Variants in PCNX2 observed in about 807,000 individuals in gnomAD.
PCNX2 encodes pecanex 2.
PCNX2 carries 168 observed loss-of-function variants against 223.8 expected under a neutral mutation model. The observed-to-expected ratio is 0.75, with a 90% CI of 0.66 to 0.85. The LOEUF is 0.85. PCNX2 is among the 40% of genes least tolerant of loss of function. The pLI, the probability that PCNX2 is intolerant of heterozygous loss-of-function variation, is 0.00. For missense variants in PCNX2, 2,507 were observed against 2,675.5 expected, an observed-to-expected ratio of 0.94 and a Z score of 1.39; for synonymous variants, 1,006 against 1,052.6, an observed-to-expected ratio of 0.96 and a Z score of 0.86.
chr1:233,314,613 G>T, the PCNX2 span, among the ~76,000 whole-genome samples: 1 of 152,068 alleles, frequency 6.6e-6, no homozygotes, highest in Non-Finnish European at 1.5e-5. Context: ...AAAGTTTTCA[G>T]TACCAAAGTT....
intron 25 of PCNX2, among the ~76,000 whole-genome samples, chr1:233,030,006 A>G (rs1248890620): frequency 6.6e-6 from 1 of 152,188 alleles, no homozygotes; most frequent in Non-Finnish European, 1.5e-5. Flanking sequence ...AAATCTGGAT[A>G]ATATGTCTTC....
intron 28 of PCNX2, among the ~76,000 whole-genome samples, chr1:233,008,884 C>T (rs1230879818): frequency 1.3e-5 from 2 of 152,182 alleles, no homozygotes; most frequent in Admixed American, 6.5e-5. Context: ...AGGACAGGTC[C>T]ACAAGGAAGC....
In PCNX2 at chr1:232,983,874, A is replaced by G. The variant is rs1047013233; in HGVS notation, c.*430T>C. Reference sequence around the variant, plus strand: ...GGTAACAGTAATGTATAAAGTGCCGATGATGTAACATGCAGTTGTCTTATT... The same window carrying G: ...GGTAACAGTAATGTATAAAGTGCCGGTGATGTAACATGCAGTTGTCTTATT... On this transcript the variant is annotated 3_prime_UTR_variant, in exon 34 of 34. Transcript: ENST00000258229. 1.3e-5 allele frequency: 2 copies of G among 155,008 alleles called. No individual in the cohort carries two copies. The highest frequency in any genetic ancestry group is 4.8e-5 in the African/African-American group (2 of 41,582). 9.6% of individuals were successfully genotyped at this position (155,008 alleles called of 1,614,324 possible).
chr1:233,045,753 G>T (rs1047825012), intron 25 of PCNX2, among the ~76,000 whole-genome samples: 1 of 152,204 alleles, frequency 6.6e-6, no homozygotes, highest in Non-Finnish European at 1.5e-5. Flanking sequence ...CTGGAAGGGA[G>T]GTGTTCATCC....
intron 8 of PCNX2, among the ~76,000 whole-genome samples, chr1:233,241,609 C>T (rs1369007533): frequency 1.3e-5 from 2 of 152,166 alleles, no homozygotes; most frequent in African/African-American, 2.4e-5. Flanking sequence ...TGATCAAAGG[C>T]ACCAAGAACC....
At chr1:233,037,415 C>G (rs2102852925) in intron 25 of PCNX2, among the ~76,000 whole-genome samples, 1 of 152,286 alleles carries the variant, frequency 6.6e-6, no homozygotes, top group East Asian at 1.9e-4. Context: ...CACTGTCACT[C>G]AAACTCCTGG....
chr1:233,290,774 G>T (rs1359498126), intron 1 of PCNX2: 4 of 985,244 alleles, frequency 4.1e-6, no homozygotes, highest in Non-Finnish European at 4.8e-6. Context: ...TTAAAAAGCA[G>T]AACTGGAAAC....
chr1:233,149,638 A>C (rs1298173651), intron 19 of PCNX2, among the ~76,000 whole-genome samples: 4 of 152,168 alleles, frequency 2.6e-5, no homozygotes, highest in Non-Finnish European at 4.4e-5. Flanking sequence ...CTCAGCTATC[A>C]TCAAGTTCTT....
intron 15 of PCNX2, among the ~76,000 whole-genome samples, chr1:233,196,331 A>G (rs1488350586): frequency 6.6e-6 from 1 of 152,114 alleles, no homozygotes; most frequent in Admixed American, 6.5e-5. Context: ...TAGGTAAGAC[A>G]TAAAAAAAAC....
intron 17 of PCNX2, among the ~76,000 whole-genome samples, chr1:233,169,452 C>T (rs982936813): frequency 2.0e-5 from 3 of 151,798 alleles, no homozygotes; most frequent in African/African-American, 7.3e-5. Context: ...CGAGACCATC[C>T]TGGCTAACAC....
At position 233,016,807 on chromosome 1, in the gene PCNX2, T is replaced by C. The variant is rs182813629; in HGVS notation, c.4839+114A>G. ...ACATCTGTCCAAATAGTGCTTTTTT[T>C]CTATCCTCTATGTTAAAAGTCTACC... is the stretch of plus-strand genomic sequence containing the variant. On this transcript the variant is annotated intron_variant, in intron 27 of 33. Coordinates refer to ENST00000258229, the MANE Select transcript of PCNX2 (RefSeq NM_014801.4). 599 of 1,456,692 alleles carry C rather than the reference T, an allele frequency of 4.1e-4. 2 individuals carry two copies. In the African/African-American group the frequency reaches 7.5e-3, roughly 18 times the overall value. 90.2% of individuals were successfully genotyped at this position (1,456,692 alleles called of 1,614,324 possible).
intron 12 of PCNX2, among the ~76,000 whole-genome samples, chr1:233,216,814 A>T (rs1366444928): frequency 6.6e-6 from 1 of 152,220 alleles, no homozygotes; most frequent in Non-Finnish European, 1.5e-5. Context: ...CTAAATGTCC[A>T]TCAACACATG....
intron 15 of PCNX2, among the ~76,000 whole-genome samples, chr1:233,197,831 TAAG>T (rs2102889641): frequency 6.6e-6 from 1 of 152,362 alleles, no homozygotes; most frequent in South Asian, 2.1e-4. Context: ...AAAAGTGAGT[TAAG>T]AAATGTTACG....
At chr1:233,058,075 T>C (rs1043969776) in intron 23 of PCNX2, 3 of 983,782 alleles carry the variant, frequency 3.0e-6, no homozygotes, top group Middle Eastern at 5.2e-4. Flanking sequence ...TCTGCAGCCA[T>C]GGTAACAAGT....
intron 25 of PCNX2, among the ~76,000 whole-genome samples, chr1:233,040,534 A>C (rs1188827681): frequency 6.6e-6 from 1 of 152,182 alleles, no homozygotes; most frequent in African/African-American, 2.4e-5. Flanking sequence ...CCACTTGGTC[A>C]GCACTGGAAA....
intron 25 of PCNX2, among the ~76,000 whole-genome samples, chr1:233,045,168 G>C (rs1367754242): frequency 1.3e-5 from 2 of 152,050 alleles, no homozygotes; most frequent in Admixed American, 1.3e-4. Flanking sequence ...TTTTTCTCCT[G>C]GGTACTCAGC....
chr1:233,012,599 G>A (rs1402380325), intron 28 of PCNX2, among the ~76,000 whole-genome samples: 1 of 152,052 alleles, frequency 6.6e-6, no homozygotes, highest in Non-Finnish European at 1.5e-5. Flanking sequence ...AGTTGACATT[G>A]AGTATGAGAA....
At position 233,258,790 on chromosome 1, in the gene PCNX2, G is replaced by A; in HGVS notation, c.1072C>T (p.Leu358Phe). 6.2e-7 allele frequency: 1 copy of A among 1,613,844 alleles called. No individual in the cohort carries two copies. Among genetic ancestry groups the A allele is most frequent in the Non-Finnish European group, 8.5e-7 (1 of 1,179,830 alleles). Residue 358 changes from leucine (L) to phenylalanine (F), a missense_variant, in exon 5 of 34, where the codon CTC becomes TTC. Coordinates refer to ENST00000258229, the MANE Select transcript of PCNX2 (RefSeq NM_014801.4). Reference sequence around the variant, plus strand: ...TCTCCGGGTTGAGAAGTATCGATGAGAGTAACAGCTACCTCACTATCTGAG... The same window carrying A: ...TCTCCGGGTTGAGAAGTATCGATGAAAGTAACAGCTACCTCACTATCTGAG... ...DSSDSEVAVT[L>F]IDTSQPGDPL...
At chr1:233,135,257 C>G in intron 20 of PCNX2, 67 bp from the exon 21 acceptor site, 1 of 1,445,584 alleles carries the variant, frequency 6.9e-7, no homozygotes, top group Non-Finnish European at 9.4e-7. Flanking sequence ...GTTTCATTCG[C>G]TAACAATTCT....
Sources: allele counts gnomAD v4.1 joint callset (sites outside exome capture counted in the v4.1 genomes callset), GRCh38; gene constraint gnomAD v4.1.1; transcripts MANE v1.5; gene names NCBI Gene and HGNC (gene_info 2026-07-23, HGNC 2026-07-21).